KIAA1217: variants seen among roughly 807,000 people sequenced by gnomAD.
KIAA1217 encodes KIAA1217, also known as sickle tail protein homolog.
In KIAA1217, 88 loss-of-function variants were observed where a neutral mutation model predicts 163.9. That is an observed-to-expected ratio of 0.54 (90% CI 0.45 to 0.64). The LOEUF is 0.64. Ranked by LOEUF, KIAA1217 falls within the 30% of genes least tolerant of loss-of-function variation. KIAA1217 has a pLI of 0.00. For synonymous variants in KIAA1217, 903 were observed against 923.1 expected, an observed-to-expected ratio of 0.98 and a Z score of 0.39; for missense variants, 2,372 against 2,475.0, an observed-to-expected ratio of 0.96 and a Z score of 0.88.
At chr10:23,852,269 GA>G (rs1839386845) in intron 1 of KIAA1217, among the ~76,000 whole-genome samples, 2 of 152,100 alleles carry the variant, frequency 1.3e-5, no homozygotes, top group South Asian at 4.1e-4. Context: ...TATTAAATAG[GA>G]AATCCTTTCC....
chr10:24,431,714 A>G (rs1591872478), intron 3 of KIAA1217, among the ~76,000 whole-genome samples: 1 of 152,142 alleles, frequency 6.6e-6, no homozygotes, highest in African/African-American at 2.4e-5. Context: ...TTTGCATCAC[A>G]CTTGCTAATA....
At chr10:24,224,279 G>A (rs1286359567) in intron 2 of KIAA1217, among the ~76,000 whole-genome samples, 2 of 152,152 alleles carry the variant, frequency 1.3e-5, no homozygotes, top group African/African-American at 4.8e-5. Flanking sequence ...TCAGGATCCA[G>A]CCTTCACAAT....
intron 2 of KIAA1217, among the ~76,000 whole-genome samples, chr10:24,031,950 G>T (rs1848205213): frequency 1.3e-5 from 2 of 152,098 alleles, no homozygotes; most frequent in African/African-American, 4.8e-5. Flanking sequence ...ACTTCCCACT[G>T]CCATTAAATC....
chr10:24,506,904 T>C (rs2068439933), intron 9 of KIAA1217, among the ~76,000 whole-genome samples: 1 of 152,204 alleles, frequency 6.6e-6, no homozygotes, highest in Non-Finnish European at 1.5e-5. Context: ...ATGGGTCTGT[T>C]ATTAAATATT....
chr10:24,319,291 C>A lies in KIAA1217; in HGVS notation c.355-61578C>A, dbSNP rs1359128275. Among the ~76,000 whole-genome samples, 6 of 147,592 alleles carry A rather than the reference C, an allele frequency of 4.1e-5. 1 individual carries two copies. The highest frequency in any genetic ancestry group is 1.5e-4 in the African/African-American group (6 of 39,748). On this transcript the variant is annotated intron_variant, in intron 2 of 20. Transcript: ENST00000376454. Reference sequence around the variant, plus strand: ...CTCAGGAGGCTGAGGCATGAGAATCCCTTGAACCCAGGAGGCAGAGGTTGC... The same window carrying A: ...CTCAGGAGGCTGAGGCATGAGAATCACTTGAACCCAGGAGGCAGAGGTTGC...
intron 5 of KIAA1217, among the ~76,000 whole-genome samples, chr10:24,444,384 A>G (rs2060748928): frequency 6.6e-6 from 1 of 152,210 alleles, no homozygotes; most frequent in South Asian, 2.1e-4. Context: ...TACCCCAGGA[A>G]GCTTTCGCTA....
In KIAA1217 at chr10:24,544,460, G is replaced by C. The variant is rs144231647; in HGVS notation, c.5190G>C (p.Ser1730=). 1.3e-4 allele frequency: 212 copies of C among 1,612,616 alleles called. No homozygotes were observed. In the Middle Eastern group the frequency reaches 2.3e-3, roughly 18 times the overall value. Residue 1730 remains serine, a synonymous_variant, in exon 19 of 21, where the codon TCG becomes TCC. Transcript: ENST00000376454. ...CCACTGCCCTAGAGCCCCCTACGTC[G>C]ATACCTTCAGCTTCACGTAAGGTAT... ...EGPTALEPPT[S]IPSASRKGSS...
rs1380421871 is a variant in KIAA1217 at position 24,061,790 on chromosome 10, TTTCTC to T, written c.-171+54420_-171+54424del. ...GCTCCCTTGTATGTGACAAGTTTCT[TTTCTC>T]TTCCTGCTTTCAAAATTCTTTTTCT... On this transcript the variant is annotated intron_variant, in intron 2 of 18. Transcript: ENST00000376462. Among the ~76,000 whole-genome samples the T allele has an allele frequency of 1.8e-4, 27 of 152,332 alleles. No homozygotes were observed. In the East Asian group the frequency reaches 5.2e-3, roughly 29 times the overall value.
At chr10:24,026,867 G>T (rs564209175) in intron 2 of KIAA1217, among the ~76,000 whole-genome samples, 1 of 148,154 alleles carries the variant, frequency 6.7e-6, no homozygotes, top group African/African-American at 2.5e-5. Flanking sequence ...AGCATAAATA[G>T]TTATGGTATA....
chr10:24,358,501 T>G (rs889632055), intron 2 of KIAA1217, among the ~76,000 whole-genome samples: 1 of 152,238 alleles, frequency 6.6e-6, no homozygotes, highest in African/African-American at 2.4e-5. Context: ...ACCAATGTGT[T>G]TGTTCATTCT....
intron 4 of KIAA1217, among the ~76,000 whole-genome samples, chr10:24,438,091 G>A (rs1046776992): frequency 3.3e-5 from 5 of 151,340 alleles, no homozygotes; most frequent in African/African-American, 9.7e-5. Flanking sequence ...TTCCATACTC[G>A]GAATCTTGAA....
chr10:24,220,446 CTTTTTTTTTTTTTTTT>C (rs530992369), intron 2 of KIAA1217, among the ~76,000 whole-genome samples: 1 of 103,108 alleles, frequency 9.7e-6, no homozygotes, highest in South Asian at 3.1e-4. Context: ...TTCTGCTCTT[CTTTTTTTTTTTTTTTT>C]TTTTTTTTTT....
chr10:23,919,358 C>G (rs1353209123), intron 1 of KIAA1217, among the ~76,000 whole-genome samples: 1 of 152,014 alleles, frequency 6.6e-6, no homozygotes, highest in Non-Finnish European at 1.5e-5. Flanking sequence ...GTAATCCCAG[C>G]ACTTTGGGAG....
chr10:23,905,548 C>A (rs1417041311), intron 1 of KIAA1217, among the ~76,000 whole-genome samples: 2 of 152,076 alleles, frequency 1.3e-5, no homozygotes, highest in East Asian at 3.9e-4. Flanking sequence ...GCTACACAAT[C>A]CTCAGGGAAA....
intron 2 of KIAA1217, among the ~76,000 whole-genome samples, chr10:24,191,503 T>G (rs1017382466): frequency 1.3e-5 from 2 of 152,162 alleles, no homozygotes; most frequent in Non-Finnish European, 2.9e-5. Flanking sequence ...CTCCATTATG[T>G]GATTATTTCA....
At chr10:23,952,651 G>A (rs7100003) in intron 1 of KIAA1217, among the ~76,000 whole-genome samples, 2,578 of 152,266 alleles carry the variant, frequency 0.017, 79 homozygotes, top group African/African-American at 0.056. Context: ...TTTCACCTTC[G>A]TGAGCCTCAG....
At chr10:24,048,071 C>A (rs903829043) in intron 2 of KIAA1217, among the ~76,000 whole-genome samples, 2 of 152,274 alleles carry the variant, frequency 1.3e-5, no homozygotes, top group Non-Finnish European at 1.5e-5. Flanking sequence ...GCCTTTAGGA[C>A]CAATTCCACT....
chr10:24,002,647 C>T (rs1354155994), intron 1 of KIAA1217, among the ~76,000 whole-genome samples: 2 of 152,104 alleles, frequency 1.3e-5, no homozygotes, highest in African/African-American at 2.4e-5. Context: ...CCTTCAAATG[C>T]TATTTTTTAA....
At position 23,695,981 on chromosome 10, in the gene KIAA1217, C is replaced by A. The variant is rs922378163; in HGVS notation, c.-321+747C>A. On this transcript the variant is annotated intron_variant, in intron 1 of 18. Coordinates refer to the KIAA1217 transcript ENST00000376462. This position sits in a 1 kb window ranked among gnomAD's most constrained non-coding sequence, Gnocchi z 4.9. ...TCCGGCTGGCTGCCCTCCCCGCTCGCCGCTCTCCCCGCGCCGCTGCGGGTC... is the reference window on the plus strand; with the variant it reads ...TCCGGCTGGCTGCCCTCCCCGCTCGACGCTCTCCCCGCGCCGCTGCGGGTC... Among the ~76,000 whole-genome samples, 3 of 152,206 alleles carry A rather than the reference C, an allele frequency of 2.0e-5. No individual in the cohort carries two copies. Among genetic ancestry groups the A allele is most frequent in the African/African-American group, 4.8e-5 (2 of 41,462 alleles).
Sources: allele counts gnomAD v4.1 joint callset (sites outside exome capture counted in the v4.1 genomes callset), GRCh38; gene constraint gnomAD v4.1.1; non-coding constraint Gnocchi (gnomAD v3.1); transcripts MANE v1.5; gene names NCBI Gene and HGNC (gene_info 2026-07-23, HGNC 2026-07-21).